Variants in MED12L observed in about 807,000 individuals in gnomAD.
The protein encoded by MED12L is mediator complex subunit 12L.
A neutral mutation model predicts 281.3 loss-of-function variants in MED12L; 60 were observed. That is an observed-to-expected ratio of 0.21 (90% CI 0.17 to 0.26). MED12L has a LOEUF of 0.26. MED12L is among the 10% of genes least tolerant of loss of function. MED12L has a pLI of 1.00. For synonymous variants in MED12L, 974 were observed against 987.2 expected (o/e 0.99, Z 0.25); for missense variants, 2,146 against 2,680.9 (o/e 0.80, Z 4.41).
intron 16 of MED12L, among the ~76,000 whole-genome samples, chr3:151,194,749 A>T (rs1724422555): frequency 6.6e-6 from 1 of 152,232 alleles, no homozygotes; most frequent in Non-Finnish European, 1.5e-5. Flanking sequence ...AGAAATAAAA[A>T]TTGGGTCAAA....
chr3:151,115,327 CTTTTTTTTTTTTTTTTTTTTTTTTTTTT>C (rs66728754), intron 2 of MED12L, among the ~76,000 whole-genome samples: 1 of 60,776 alleles, frequency 1.6e-5, no homozygotes, highest in Non-Finnish European at 3.2e-5. Flanking sequence ...GGAAACAATT[CTTTTTTTTTTTTTTTTTTTTTTTTTTTT>C]TTTTTTTTTT....
chr3:151,186,609 A>G (rs961082943), intron 12 of MED12L, among the ~76,000 whole-genome samples: 2 of 152,172 alleles, frequency 1.3e-5, no homozygotes, highest in African/African-American at 4.8e-5. Context: ...TTGCATGGCC[A>G]GCCTCTTCCT....
chr3:151,222,554 G>T (rs997933186), intron 16 of MED12L, among the ~76,000 whole-genome samples: 5 of 152,178 alleles, frequency 3.3e-5, no homozygotes, highest in Admixed American at 1.3e-4. Context: ...AATGGGAGTT[G>T]CCCTGCACAA....
At chr3:151,120,240 C>A (rs761368846) in intron 3 of MED12L, among the ~76,000 whole-genome samples, 3 of 150,860 alleles carry the variant, frequency 2.0e-5, no homozygotes, top group Non-Finnish European at 4.4e-5. Context: ...AAAAACAAAA[C>A]GAAAAACCAA....
intron 16 of MED12L, among the ~76,000 whole-genome samples, chr3:151,272,350 T>C (rs1741112414): frequency 6.6e-6 from 1 of 152,190 alleles, no homozygotes; most frequent in Non-Finnish European, 1.5e-5. Flanking sequence ...TAAATTGAAG[T>C]TGTTTTTCTA....
intron 16 of MED12L, among the ~76,000 whole-genome samples, chr3:151,266,093 C>A (rs965673886): frequency 6.6e-6 from 1 of 152,138 alleles, no homozygotes; most frequent in Admixed American, 6.6e-5. Context: ...GCCATCTTTC[C>A]CCTTTCAGTT....
At position 151,122,767 on chromosome 3, in the gene MED12L, T is replaced by C. The variant is rs1713951052; in HGVS notation, c.205-16T>C. ...TTATTGTCTTAACTTTCCCTTTTTT[T>C]CTCTTCTTTCCACAGATTGGAGCTT... is the stretch of plus-strand genomic sequence containing the variant. On this transcript the variant is annotated splice_polypyrimidine_tract_variant and intron_variant, in intron 3 of 44. Coordinates refer to ENST00000687756, the MANE Select transcript of MED12L (RefSeq NM_001393769.1). The C allele has an allele frequency of 1.2e-5, 18 of 1,560,364 alleles. No individual in the cohort carries two copies. The highest frequency in any genetic ancestry group is 1.6e-5 in the Non-Finnish European group (18 of 1,153,864).
chr3:151,293,842 C>T (rs1260173024), intron 16 of MED12L, among the ~76,000 whole-genome samples: 1 of 152,132 alleles, frequency 6.6e-6, no homozygotes, highest in East Asian at 1.9e-4. Context: ...ATTCTCTTTT[C>T]TATACTTTTT....
chr3:151,308,069 T>C (rs1577293612), intron 16 of MED12L, among the ~76,000 whole-genome samples: 1 of 152,146 alleles, frequency 6.6e-6, no homozygotes, highest in East Asian at 1.9e-4. Flanking sequence ...AGAAAACATA[T>C]GTTAAGTCAA....
chr3:151,355,045 A>T (rs1753738483), intron 17 of MED12L, 76 bp from the exon 18 acceptor site: 10 of 1,018,388 alleles, frequency 9.8e-6, no homozygotes, highest in African/African-American at 1.6e-5. Flanking sequence ...GCTATACTTT[A>T]AAAAAAAGTA....
chr3:151,225,763 A>G (rs1171137756), intron 16 of MED12L, among the ~76,000 whole-genome samples: 1 of 151,876 alleles, frequency 6.6e-6, no homozygotes, highest in Non-Finnish European at 1.5e-5. Context: ...ATCTTTTTTC[A>G]TTACCCACAG....
intron 16 of MED12L, chr3:151,199,279 G>A: frequency 6.2e-7 from 1 of 1,613,742 alleles, no homozygotes; most frequent in African/African-American, 1.3e-5. Flanking sequence ...TAAAAGCCCA[G>A]GTTGCAAAAC....
intron 11 of MED12L, among the ~76,000 whole-genome samples, chr3:151,178,014 G>A (rs1722262556): frequency 1.3e-5 from 2 of 151,802 alleles, no homozygotes; most frequent in South Asian, 4.2e-4. Context: ...TTTAAAGCTA[G>A]GGAGGCATGC....
At chr3:151,142,569 G>A (rs902517097) in intron 5 of MED12L, among the ~76,000 whole-genome samples, 1 of 152,086 alleles carries the variant, frequency 6.6e-6, no homozygotes, top group African/African-American at 2.4e-5. Context: ...TCCTTACATA[G>A]TTTAGAAGCA....
intron 4 of MED12L, among the ~76,000 whole-genome samples, chr3:151,125,622 C>T (rs1424215283): frequency 2.0e-5 from 3 of 152,122 alleles, no homozygotes; most frequent in East Asian, 3.8e-4. Flanking sequence ...ACAGTCTCAC[C>T]TTGACAATGA....
intron 16 of MED12L, among the ~76,000 whole-genome samples, chr3:151,281,285 C>T (rs946091856): frequency 6.7e-6 from 1 of 149,846 alleles, no homozygotes; most frequent in South Asian, 2.1e-4. Context: ...TGGAGTTCGC[C>T]TGTGATCCCA....
intron 3 of MED12L, 141 bp downstream of exon 3, chr3:151,116,583 GC>G: frequency 1.7e-6 from 1 of 593,562 alleles, no homozygotes; most frequent in Non-Finnish European, 3.0e-6. Flanking sequence ...ATACCGTCCT[GC>G]CCCAGGATCC....
chr3:151,202,998 T>A (rs1344264191), intron 16 of MED12L: 1 of 152,176 alleles, frequency 6.6e-6, no homozygotes. Flanking sequence ...GCTTTTTTTT[T>A]ATACAGCTTG....
At chr3:151,336,438 A>G (rs1024205891) in intron 16 of MED12L, 2 of 447,874 alleles carry the variant, frequency 4.5e-6, no homozygotes, top group Non-Finnish European at 8.9e-6. Context: ...AATAAAAGTG[A>G]TTATTATTAA....
Sources: allele counts gnomAD v4.1 joint callset (sites outside exome capture counted in the v4.1 genomes callset), GRCh38; gene constraint gnomAD v4.1.1; transcripts MANE v1.5; gene names NCBI Gene and HGNC (gene_info 2026-07-23, HGNC 2026-07-21).